The following CTNNA1 variants were observed in gnomAD, a reference collection of about 807,000 sequenced individuals.
The protein encoded by CTNNA1 is catenin alpha 1, also known as catenin alpha-1.
In CTNNA1, 37 loss-of-function variants were observed where a neutral mutation model predicts 98.4. That is an observed-to-expected ratio of 0.38 (90% CI 0.29 to 0.49). The LOEUF is 0.49. CTNNA1 is among the 20% of genes least tolerant of loss of function. The probability of loss-of-function intolerance (pLI) is 0.95; values close to 1 mark genes in which losing one functional copy is unlikely to be tolerated. For missense variants in CTNNA1, 761 were observed against 1,147.2 expected (o/e 0.66, Z 4.86); for synonymous variants, 404 against 413.2 (o/e 0.98, Z 0.27).
chr5:138,755,351 A>G (rs542760593), intron 1 of CTNNA1, among the ~76,000 whole-genome samples: 1 of 152,200 alleles, frequency 6.6e-6, no homozygotes, highest in South Asian at 2.1e-4. Flanking sequence ...TTTTTAAGTG[A>G]AGGGAGAAAG....
At chr5:138,779,778 C>T (rs576719249) in intron 1 of CTNNA1, among the ~76,000 whole-genome samples, 5 of 148,774 alleles carry the variant, frequency 3.4e-5, no homozygotes, top group Admixed American at 6.7e-5. Context: ...TGCAGTGGTG[C>T]GATCTTGGCT....
chr5:138,875,634 T>C, intron 7 of CTNNA1: 5 of 985,406 alleles, frequency 5.1e-6, no homozygotes, highest in Non-Finnish European at 6.0e-6. Context: ...TTTTAATGCT[T>C]GTGAGAGCCA....
chr5:138,801,814 C>T (rs559850859), intron 3 of CTNNA1, among the ~76,000 whole-genome samples: 22 of 152,186 alleles, frequency 1.4e-4, no homozygotes, highest in African/African-American at 5.1e-4. Flanking sequence ...AGTGATAGAC[C>T]TGGAATTGAA....
intron 7 of CTNNA1, among the ~76,000 whole-genome samples, chr5:138,864,203 C>T (rs1168645030): frequency 1.3e-5 from 2 of 152,176 alleles, no homozygotes; most frequent in African/African-American, 4.8e-5. Flanking sequence ...AGTGGTCCTC[C>T]TGCCTTCCAG....
intron 3 of CTNNA1, among the ~76,000 whole-genome samples, chr5:138,808,343 AGAAT>A (rs1758319755): frequency 1.3e-5 from 2 of 152,208 alleles, no homozygotes; most frequent in South Asian, 4.1e-4. Context: ...AACAAATAAA[AGAAT>A]GAATGATCTC....
chr5:138,826,714 G>T (rs898439481), intron 6 of CTNNA1, among the ~76,000 whole-genome samples: 1 of 152,212 alleles, frequency 6.6e-6, no homozygotes, highest in Non-Finnish European at 1.5e-5. Context: ...AGATGTGTAA[G>T]ATGAGGCAAA....
intron 1 of CTNNA1, among the ~76,000 whole-genome samples, chr5:138,763,089 T>G (rs1206406984): frequency 9.3e-6 from 1 of 107,132 alleles, no homozygotes; most frequent in Non-Finnish European, 2.0e-5. Context: ...TGAAAGTGTC[T>G]TATTGCTATG....
At chr5:138,767,628 T>G (rs901182472) in intron 1 of CTNNA1, among the ~76,000 whole-genome samples, 1 of 152,200 alleles carries the variant, frequency 6.6e-6, no homozygotes, top group African/African-American at 2.4e-5. Context: ...CTACTTTTTT[T>G]GGGGAAGATC....
intron 7 of CTNNA1, among the ~76,000 whole-genome samples, chr5:138,847,501 A>T (rs1762830401): frequency 6.6e-6 from 1 of 152,218 alleles, no homozygotes; most frequent in Admixed American, 6.5e-5. Flanking sequence ...GAAGAATTCA[A>T]ATATAATGTC....
chr5:138,925,728 G>A (rs927986455), intron 13 of CTNNA1, among the ~76,000 whole-genome samples: 3 of 152,220 alleles, frequency 2.0e-5, no homozygotes, highest in African/African-American at 7.2e-5. Context: ...TAGTATCAGA[G>A]AAGGAAGTAT....
At chr5:138,757,627 G>A (rs1374639198) in intron 1 of CTNNA1, among the ~76,000 whole-genome samples, 1 of 152,154 alleles carries the variant, frequency 6.6e-6, no homozygotes, top group Non-Finnish European at 1.5e-5. Context: ...TTAGCACTGG[G>A]TGGTGCATTA....
intron 7 of CTNNA1, among the ~76,000 whole-genome samples, chr5:138,847,657 T>TAGAG (rs1443716006): frequency 6.6e-6 from 1 of 152,182 alleles, no homozygotes; most frequent in Non-Finnish European, 1.5e-5. Flanking sequence ...GTGGTCACCC[T>TAGAG]TAGATCAGTG....
intron 5 of CTNNA1, among the ~76,000 whole-genome samples, chr5:138,816,526 C>T (rs1759447899): frequency 6.6e-6 from 1 of 152,168 alleles, no homozygotes; most frequent in South Asian, 2.1e-4. Flanking sequence ...TCCCTGCATT[C>T]CCACCAGCAT....
In CTNNA1 at chr5:138,783,096, T is replaced by A. The variant is rs1580983569; in HGVS notation, c.106-81T>A. 31 of 1,103,392 alleles carry A rather than the reference T, an allele frequency of 2.8e-5. No homozygotes were observed. The East Asian group carries it at 7.9e-4, about 28-fold the overall frequency. The allele number at this position is 1,103,392 out of a possible 1,614,324, so 68.4% of individuals were successfully genotyped here. Reference sequence around the variant, plus strand: ...AATCTCATGTGATTTTTTAAAAGAATAACTTAATCTTGCTGTCTTTAAAGA... The same window carrying A: ...AATCTCATGTGATTTTTTAAAAGAAAAACTTAATCTTGCTGTCTTTAAAGA... On this transcript the variant is annotated intron_variant, in intron 2 of 17. Coordinates refer to ENST00000302763, the MANE Select transcript of CTNNA1 (RefSeq NM_001903.5).
In CTNNA1 at chr5:138,872,143, T is replaced by G. The variant is rs536041613; in HGVS notation, c.1063-14069T>G. The stretch of plus-strand genomic sequence containing the variant: ...TGTCTTGTTTATCTCCAAAATATCT[T>G]CTAAATCTTTTTTCACATATTAATG... On this transcript the variant is annotated intron_variant, in intron 7 of 17. Coordinates refer to ENST00000302763, the MANE Select transcript of CTNNA1 (RefSeq NM_001903.5). 5 of 152,526 alleles carry G rather than the reference T, an allele frequency of 3.3e-5. No individual in the cohort carries two copies. The South Asian group carries it at 1.0e-3, about 32-fold the overall frequency. The allele number at this position is 152,526 out of a possible 1,614,324, so 9.4% of individuals were successfully genotyped here.
intron 1 of CTNNA1, among the ~76,000 whole-genome samples, chr5:138,775,000 G>A (rs1753946860): frequency 6.6e-6 from 1 of 152,126 alleles, no homozygotes; most frequent in Non-Finnish European, 1.5e-5. Context: ...AATGTTTTTT[G>A]TTCAAGAAAA....
chr5:138,775,473 T>A (rs1166017426), intron 1 of CTNNA1, among the ~76,000 whole-genome samples: 3 of 152,194 alleles, frequency 2.0e-5, no homozygotes, highest in South Asian at 2.1e-4. Context: ...GTTACCAGAT[T>A]AGGCAAATGC....
chr5:138,880,713 T>G (rs1752697660), intron 7 of CTNNA1: 1 of 218,014 alleles, frequency 4.6e-6, no homozygotes, highest in Admixed American at 5.2e-5. Flanking sequence ...GAAAGCTGTT[T>G]GCACAGGATA....
At chr5:138,812,123 ATCT>A in intron 4 of CTNNA1, 57 bp from the exon 5 acceptor site, 2 of 1,503,286 alleles carry the variant, frequency 1.3e-6, no homozygotes, top group Non-Finnish European at 1.8e-6. Flanking sequence ...CTAGGATGCC[ATCT>A]TCTTTACAGA....
Sources: gnomAD v4.1 joint callset for allele counts (sites outside exome capture counted in the v4.1 genomes callset) on GRCh38, gnomAD v4.1.1 for gene constraint, MANE v1.5 for transcripts, NCBI Gene and HGNC (gene_info 2026-07-23, HGNC 2026-07-21) for gene names.